Variants in GPC5 observed in about 807,000 individuals in gnomAD.
The protein encoded by GPC5 is glypican 5.
A neutral mutation model predicts 53.9 loss-of-function variants in GPC5; 47 were observed. That is an observed-to-expected ratio of 0.87 (90% CI 0.69 to 1.11). GPC5 has a LOEUF of 1.11. Ranked by LOEUF, GPC5 falls within the 50% of genes most tolerant of loss-of-function variation. GPC5 has a pLI of 0.00. For missense variants in GPC5, 748 were observed against 713.1 expected, an observed-to-expected ratio of 1.05 and a Z score of -0.56; for synonymous variants, 286 against 263.3, an observed-to-expected ratio of 1.09 and a Z score of -0.84.
At chr13:92,274,334 A>G (rs1011155892) in intron 7 of GPC5, among the ~76,000 whole-genome samples, 1 of 152,120 alleles carries the variant, frequency 6.6e-6, no homozygotes, top group Non-Finnish European at 1.5e-5. Flanking sequence ...AGATCAGGCC[A>G]TAACTTTTTC....
At chr13:92,503,738 A>C (rs9523693) in intron 7 of GPC5, among the ~76,000 whole-genome samples, 1 of 151,510 alleles carries the variant, frequency 6.6e-6, no homozygotes, top group Non-Finnish European at 1.5e-5. Flanking sequence ...TATCACAAAA[A>C]ATCCTACACA....
At position 92,501,472 on chromosome 13, in the gene GPC5, T is replaced by C. The variant is rs534497785; in HGVS notation, c.1561+356483T>C. Among the ~76,000 whole-genome samples, 11 of 152,262 alleles carry C rather than the reference T, an allele frequency of 7.2e-5. No individual in the cohort carries two copies. In the East Asian group the frequency reaches 1.5e-3, roughly 21 times the overall value. On this transcript the variant is annotated intron_variant, in intron 7 of 7. Transcript: ENST00000377067. Reference sequence around the variant, plus strand: ...TGGAATAGTTCCTAAGGTTTATGATTGGCACTACTGGTGTCCCAGAAAGAG... The same window carrying C: ...TGGAATAGTTCCTAAGGTTTATGATCGGCACTACTGGTGTCCCAGAAAGAG...
At chr13:92,646,292 C>A (rs1885763895) in intron 7 of GPC5, among the ~76,000 whole-genome samples, 1 of 152,050 alleles carries the variant, frequency 6.6e-6, no homozygotes, top group Non-Finnish European at 1.5e-5. Context: ...CTTCTTTCAC[C>A]ATTGAAAATC....
intron 5 of GPC5, among the ~76,000 whole-genome samples, chr13:91,885,517 G>T (rs2039312684): frequency 6.6e-6 from 1 of 152,082 alleles, no homozygotes; most frequent in Admixed American, 6.5e-5. Context: ...AGATCTCATT[G>T]CCCTTGCATC....
chr13:91,733,799 C>T (rs1396020090), intron 4 of GPC5, among the ~76,000 whole-genome samples: 1 of 152,116 alleles, frequency 6.6e-6, no homozygotes, highest in Non-Finnish European at 1.5e-5. Flanking sequence ...TACCTGTCTT[C>T]CCATCTGAAT....
At chr13:91,616,861 C>T (rs1369782958) in intron 2 of GPC5, among the ~76,000 whole-genome samples, 3 of 152,040 alleles carry the variant, frequency 2.0e-5, no homozygotes, top group Admixed American at 6.6e-5. Context: ...TTTTAATAAG[C>T]ATATCTAGAG....
At chr13:91,968,625 C>T (rs1289953104) in intron 6 of GPC5, among the ~76,000 whole-genome samples, 1 of 151,930 alleles carries the variant, frequency 6.6e-6, no homozygotes, top group Non-Finnish European at 1.5e-5. Flanking sequence ...CCATGCCTGG[C>T]TAATTTTTGT....
chr13:92,602,898 C>A (rs1566314532), intron 7 of GPC5, among the ~76,000 whole-genome samples: 1 of 151,976 alleles, frequency 6.6e-6, no homozygotes, highest in Non-Finnish European at 1.5e-5. Flanking sequence ...AGGGGAAAGC[C>A]ACATGAGGTG....
In GPC5 at chr13:91,693,479, T is replaced by C. The variant is rs764082440; in HGVS notation, c.618T>C (p.Asn206=). ...MARRDVSPFG[N]IPQRVMGQMG... ...GCCGGGATGTGAGTCCATTTGGTAATATTCCCCAAAGAGTAATGGGACAGA... is the reference window on the plus strand; with the variant it reads ...GCCGGGATGTGAGTCCATTTGGTAACATTCCCCAAAGAGTAATGGGACAGA... Residue 206 remains asparagine (N), a synonymous_variant, in exon 3 of 8, where the codon AAT becomes AAC. Coordinates refer to ENST00000377067, the MANE Select transcript of GPC5 (RefSeq NM_004466.6). The C allele has an allele frequency of 2.5e-6, 4 of 1,614,098 alleles. No individual in the cohort carries two copies. In the South Asian group the frequency reaches 3.3e-5, roughly 13 times the overall value.
At chr13:92,426,338 C>G (rs561295846) in intron 7 of GPC5, among the ~76,000 whole-genome samples, 1 of 152,050 alleles carries the variant, frequency 6.6e-6, no homozygotes, top group African/African-American at 2.4e-5. Context: ...TGAGCCTGCT[C>G]TTTGCAGATC....
chr13:91,878,732 C>A (rs9523444), intron 5 of GPC5, among the ~76,000 whole-genome samples: 72,257 of 151,876 alleles, frequency 0.48, 17,841 homozygotes, highest in East Asian at 0.74. Flanking sequence ...GTTTGCTTCC[C>A]CTTTCCCCAT....
intron 7 of GPC5, among the ~76,000 whole-genome samples, chr13:92,574,442 C>A (rs527425435): frequency 6.6e-6 from 1 of 152,078 alleles, no homozygotes; most frequent in African/African-American, 2.4e-5. Context: ...GAGTTTCATT[C>A]AGTGTCTGGA....
intron 6 of GPC5, among the ~76,000 whole-genome samples, chr13:91,997,401 C>T (rs1298176053): frequency 6.6e-6 from 1 of 152,170 alleles, no homozygotes; most frequent in Non-Finnish European, 1.5e-5. Context: ...GGTTTTCAGC[C>T]TTCTCTTTGT....
At chr13:92,285,736 T>C (rs1223162033) in intron 7 of GPC5, among the ~76,000 whole-genome samples, 2 of 152,096 alleles carry the variant, frequency 1.3e-5, no homozygotes, top group Non-Finnish European at 2.9e-5. Flanking sequence ...ATACAAAAAT[T>C]AATTCAAGAT....
At chr13:92,319,646 G>A (rs892809483) in intron 7 of GPC5, among the ~76,000 whole-genome samples, 1 of 152,010 alleles carries the variant, frequency 6.6e-6, no homozygotes, top group Non-Finnish European at 1.5e-5. Context: ...AGTGATAATT[G>A]ATTTTTTGTT....
chr13:91,989,053 A>G (rs2040434125), intron 6 of GPC5, among the ~76,000 whole-genome samples: 2 of 149,696 alleles, frequency 1.3e-5, no homozygotes, highest in Admixed American at 6.6e-5. Context: ...GCAAAAATGC[A>G]GTCAAGTCTC....
Position 91,503,780 on chromosome 13 carries a change from A to AAATAATGAT in GPC5, c.325+54864_325+54865insGATAATAAT, listed in dbSNP as rs145615182. Reference sequence around the variant, plus strand: ...GGGGACAGAGTGAGACTCTGTCTCAAAATAATAATAATAATAATAATAATA... The same window carrying AAATAATGAT: ...GGGGACAGAGTGAGACTCTGTCTCAAAATAATGATAATAATAATAATAATAATAATAATA... On this transcript the variant is annotated intron_variant, in intron 2 of 7. Transcript: ENST00000377067. 2.7e-3 allele frequency among the ~76,000 whole-genome samples: 363 copies of AAATAATGAT among 132,880 alleles called. 5 individuals are homozygous for AAATAATGAT. Among genetic ancestry groups the AAATAATGAT allele is most frequent in the African/African-American group, 9.8e-3 (342 of 34,922 alleles). 87.2% of individuals were successfully genotyped at this position (132,880 alleles called of 152,430 possible). A position where few individuals can be genotyped will look rare whatever the true frequency, so the allele number is the denominator to read the frequency against.
intron 2 of GPC5, among the ~76,000 whole-genome samples, chr13:91,459,673 A>G (rs1881803982): frequency 6.6e-6 from 1 of 152,090 alleles, no homozygotes; most frequent in African/African-American, 2.4e-5. Context: ...AGAAAGGAGG[A>G]AATTGGTGGT....
intron 7 of GPC5, among the ~76,000 whole-genome samples, chr13:92,700,764 CAGA>C (rs1251866741): frequency 6.6e-6 from 1 of 152,096 alleles, no homozygotes; most frequent in Non-Finnish European, 1.5e-5. Context: ...CCACATTTGA[CAGA>C]TGTGTTTTCT....
Sources: gnomAD v4.1 joint callset for allele counts (sites outside exome capture counted in the v4.1 genomes callset) on GRCh38, gnomAD v4.1.1 for gene constraint, MANE v1.5 for transcripts, NCBI Gene and HGNC (gene_info 2026-07-23, HGNC 2026-07-21) for gene names.